RP9: variants seen among roughly 807,000 people sequenced by gnomAD.
RP9 encodes the protein RP9 pre-mRNA splicing factor.
Under a neutral mutation model 32.6 loss-of-function variants are expected in RP9, and 23 were observed. The observed-to-expected ratio is 0.71, with a 90% CI of 0.51 to 1.00. The LOEUF (loss-of-function observed/expected upper bound fraction) is 1.00. Among genes scored for constraint, RP9 ranks in the 50% least tolerant of loss-of-function variants. The pLI, the probability that RP9 is intolerant of heterozygous loss-of-function variation, is 0.00. For missense variants in RP9, 245 were observed against 285.3 expected, an observed-to-expected ratio of 0.86 and a Z score of 1.02; for synonymous variants, 94 against 103.6, an observed-to-expected ratio of 0.91 and a Z score of 0.56.
At chr7:33,108,058 T>C (rs1300031687) in intron 1 of RP9, among the ~76,000 whole-genome samples, 1 of 152,212 alleles carries the variant, frequency 6.6e-6, no homozygotes, top group Non-Finnish European at 1.5e-5. Flanking sequence ...AACAGTAGGT[T>C]ACAGTCTGTT....
At position 33,109,400 on chromosome 7, in the gene RP9, A is replaced by AGCGCCGCTCGGGCAG. The variant is rs1562623413; in HGVS notation, c.-29_-28insCTGCCCGAGCGGCGC. ...CAGCCCCCGCAGCGCCGCTCGGGCA[A>AGCGCCGCTCGGGCAG]CCCCCGCGGCGCGGCTCCGGCGGCG... On this transcript the variant is annotated 5_prime_UTR_variant, in exon 1 of 6. Coordinates refer to ENST00000297157, the MANE Select transcript of RP9 (RefSeq NM_203288.2). This position sits in a 1 kb window ranked among gnomAD's most constrained non-coding sequence, Gnocchi z 4.9. 3 of 1,127,814 alleles carry AGCGCCGCTCGGGCAG rather than the reference A, an allele frequency of 2.7e-6. No homozygotes were observed. In the East Asian group the frequency reaches 1.7e-4, roughly 64 times the overall value. The allele number at this position is 1,127,814 out of a possible 1,614,324, so 69.9% of individuals were successfully genotyped here.
Position 33,095,278 on chromosome 7 carries a change from T to C in RP9, c.622A>G (p.Lys208Glu). The change falls in exon 6 of 6, where the codon AAG becomes GAG. Residue 208 changes from lysine (K) to glutamate (E), a missense_variant. Transcript: ENST00000297157. ...TCATTTGACTTGGAAGATTTGTGCT[T>C]CCGTTTTTTCTTCTTTTTCTTTTCT... is the stretch of plus-strand genomic sequence containing the variant. ...KKEKKKKKKR[K>E]HKSSKSNEGS... 6.2e-7 allele frequency: 1 copy of C among 1,612,876 alleles called. No individual in the cohort carries two copies. The highest frequency in any genetic ancestry group is 8.5e-7 in the Non-Finnish European group (1 of 1,179,472).
chr7:33,101,078 T>C (rs1788417194), intron 1 of RP9, among the ~76,000 whole-genome samples: 1 of 151,556 alleles, frequency 6.6e-6, no homozygotes, highest in African/African-American at 2.4e-5. Context: ...CCTCAAGCAA[T>C]CCTCCCACCT....
chr7:33,097,939 A>T (rs1788365676), intron 3 of RP9, among the ~76,000 whole-genome samples: 1 of 152,072 alleles, frequency 6.6e-6, no homozygotes, highest in Non-Finnish European at 1.5e-5. Context: ...CATTTTTTTT[A>T]AAGTGTGTTT....
chr7:33,105,503 T>A (rs1788486474), intron 1 of RP9, among the ~76,000 whole-genome samples: 1 of 151,820 alleles, frequency 6.6e-6, no homozygotes, highest in Admixed American at 6.6e-5. Context: ...GAAGATAAAA[T>A]CTCAGTGGAA....
rs560810000 is a variant in RP9 at position 33,102,261 on chromosome 7, C to T, written c.153-1700G>A. Among the ~76,000 whole-genome samples, 5 of 152,284 alleles carry T rather than the reference C, an allele frequency of 3.3e-5. No individual in the cohort carries two copies. The South Asian group carries it at 1.0e-3, about 32-fold the overall frequency. ...GAAAGTAGTATTTAACTACTAAATACAGATTAGAAAACTGAAGTATGTTCA... is the reference window on the plus strand; with the variant it reads ...GAAAGTAGTATTTAACTACTAAATATAGATTAGAAAACTGAAGTATGTTCA... On this transcript the variant is annotated intron_variant, in intron 1 of 5. Coordinates refer to ENST00000297157, the MANE Select transcript of RP9 (RefSeq NM_203288.2).
chr7:33,106,334 A>G (rs972244808), intron 1 of RP9, among the ~76,000 whole-genome samples: 3 of 151,940 alleles, frequency 2.0e-5, no homozygotes, highest in Non-Finnish European at 4.4e-5. Context: ...ATGCCTGGTT[A>G]ATTTCTTTTT....
At chr7:33,099,219 T>G (rs1788389378) in intron 3 of RP9, 88 bp downstream of exon 3, 8 of 1,497,752 alleles carry the variant, frequency 5.3e-6, no homozygotes, top group Non-Finnish European at 7.4e-6. Context: ...AGGGCTGTGA[T>G]GAGAACAAGT....
rs1029427564 is a variant in RP9 at position 33,109,400 on chromosome 7, A to G, written c.-28T>C. 4.3e-5 allele frequency: 49 copies of G among 1,127,922 alleles called. No homozygotes were observed. The highest frequency in any genetic ancestry group is 1.7e-4 in the East Asian group (3 of 17,558). The allele number at this position is 1,127,922 out of a possible 1,614,324, so 69.9% of individuals were successfully genotyped here. A position where few individuals can be genotyped will look rare whatever the true frequency, so the allele number is the denominator to read the frequency against. On this transcript the variant is annotated 5_prime_UTR_variant, in exon 1 of 6. Transcript: ENST00000297157. This position sits in a 1 kb window ranked among gnomAD's most constrained non-coding sequence, Gnocchi z 4.9. ...CAGCCCCCGCAGCGCCGCTCGGGCA[A>G]CCCCCGCGGCGCGGCTCCGGCGGCG...
chr7:33,099,224 A>T, intron 3 of RP9, 83 bp downstream of exon 3: 2 of 1,527,986 alleles, frequency 1.3e-6, no homozygotes, highest in Non-Finnish European at 9.1e-7. Context: ...TGTGATGAGA[A>T]CAAGTTAAAT....
At chr7:33,105,479 A>AT (rs960807015) in intron 1 of RP9, among the ~76,000 whole-genome samples, 12 of 150,840 alleles carry the variant, frequency 8.0e-5, no homozygotes, top group Non-Finnish European at 1.0e-4. Context: ...AATAACTTTA[A>AT]TTTTTTTTTT....
At chr7:33,103,845 A>G (rs1788462648) in intron 1 of RP9, among the ~76,000 whole-genome samples, 1 of 152,078 alleles carries the variant, frequency 6.6e-6, no homozygotes, top group Admixed American at 6.6e-5. Context: ...AAAACAAAAT[A>G]TGGTTGAGAT....
chr7:33,097,394 A>G, intron 3 of RP9, 32 bp from the exon 4 acceptor site: 4 of 1,493,474 alleles, frequency 2.7e-6, no homozygotes, highest in Middle Eastern at 1.7e-4. Context: ...TTTCTGTAAG[A>G]TAACAGTTTC....
At chr7:33,103,009 C>T (rs1415342883) in intron 1 of RP9, among the ~76,000 whole-genome samples, 1 of 152,242 alleles carries the variant, frequency 6.6e-6, no homozygotes, top group African/African-American at 2.4e-5. Context: ...TCCCATTTAA[C>T]ATGGCCAACT....
intron 1 of RP9, among the ~76,000 whole-genome samples, chr7:33,105,026 T>C (rs991533277): frequency 1.1e-4 from 17 of 152,198 alleles, no homozygotes; most frequent in Admixed American, 3.9e-4. Context: ...GAATTGGCTT[T>C]GGTAAAATGT....
rs1183045435 is a variant in RP9 at position 33,099,293 on chromosome 7, T to G, written c.313+14A>C. Reference sequence around the variant, plus strand: ...TGTAAGTTGCATGGATTAGGGAAACTCTCCCACACTCACACTGCATAACTT... The same window carrying G: ...TGTAAGTTGCATGGATTAGGGAAACGCTCCCACACTCACACTGCATAACTT... On this transcript the variant is annotated intron_variant, in intron 3 of 5. Transcript: ENST00000297157. 1.2e-6 allele frequency: 2 copies of G among 1,612,282 alleles called. No individual in the cohort carries two copies. Among genetic ancestry groups the G allele is most frequent in the African/African-American group, 1.3e-5 (1 of 74,752 alleles).
intron 1 of RP9, among the ~76,000 whole-genome samples, chr7:33,101,938 T>C (rs1282933320): frequency 1.3e-5 from 2 of 152,198 alleles, no homozygotes; most frequent in Non-Finnish European, 2.9e-5. Flanking sequence ...AGAAGGAGCT[T>C]GACAGTAAAG....
At chr7:33,104,032 A>G (rs1311923969) in intron 1 of RP9, among the ~76,000 whole-genome samples, 1 of 152,202 alleles carries the variant, frequency 6.6e-6, no homozygotes, top group African/African-American at 2.4e-5. Context: ...AGAACAGGAT[A>G]ATATAAAAAA....
chr7:33,107,082 A>C (rs981044737), intron 1 of RP9, among the ~76,000 whole-genome samples: 8 of 152,170 alleles, frequency 5.3e-5, no homozygotes, highest in Non-Finnish European at 1.0e-4. Context: ...GCCTATTGCT[A>C]TTTTTTGGTA....
Sources: gnomAD v4.1 joint callset for allele counts (sites outside exome capture counted in the v4.1 genomes callset) on GRCh38, gnomAD v4.1.1 for gene constraint, Gnocchi (gnomAD v3.1) non-coding constraint, MANE v1.5 for transcripts, NCBI Gene and HGNC (gene_info 2026-07-23, HGNC 2026-07-21) for gene names.